CAST: variants seen among roughly 807,000 people sequenced by gnomAD.
CAST encodes MIR583 host.
A neutral mutation model predicts 119.6 loss-of-function variants in CAST; 76 were observed. The observed-to-expected ratio is 0.64, with a 90% CI of 0.53 to 0.77. The LOEUF (loss-of-function observed/expected upper bound fraction) is 0.77, where lower values mean the gene tolerates loss of function less well. CAST is among the 30% of genes least tolerant of loss of function. The probability of loss-of-function intolerance (pLI) is 0.00; values close to 1 mark genes in which losing one functional copy is unlikely to be tolerated. For synonymous variants in CAST, 319 were observed against 331.6 expected (o/e 0.96, Z 0.41); for missense variants, 953 against 946.5 (o/e 1.01, Z -0.09).
the CAST span, among the ~76,000 whole-genome samples, chr5:96,085,262 A>G: frequency 1.3e-5 from 2 of 152,226 alleles, no homozygotes; most frequent in Admixed American, 1.3e-4. Context: ...TTCCTGTCAG[A>G]AATTCTACCA....
the CAST span, among the ~76,000 whole-genome samples, chr5:96,244,817 TATTC>T: frequency 6.6e-5 from 10 of 152,232 alleles, no homozygotes; most frequent in Admixed American, 2.0e-4. Context: ...AAGTGGCGTC[TATTC>T]ATTATTTCAT....
At chr5:96,291,761 G>A in the CAST span, among the ~76,000 whole-genome samples, 1 of 151,818 alleles carries the variant, frequency 6.6e-6, no homozygotes, top group Non-Finnish European at 1.5e-5. Context: ...CTCTCCAGGA[G>A]TCATAGACCC....
At chr5:96,545,516 C>T (rs1745993678) in intron 1 of CAST, among the ~76,000 whole-genome samples, 1 of 152,260 alleles carries the variant, frequency 6.6e-6, no homozygotes, top group South Asian at 2.1e-4. Context: ...AAATAAATCT[C>T]TGCCTCTCCA....
chr5:96,740,288 C>T (rs905333747), intron 12 of CAST, among the ~76,000 whole-genome samples, 170 bp downstream of exon 12: 4 of 152,132 alleles, frequency 2.6e-5, no homozygotes, highest in African/African-American at 2.4e-5. Context: ...TAAGAAAGTA[C>T]CACAGATCGG....
intron 1 of CAST, among the ~76,000 whole-genome samples, chr5:96,673,191 A>G (rs1290305970): frequency 6.6e-6 from 1 of 152,254 alleles, no homozygotes; most frequent in Non-Finnish European, 1.5e-5. Flanking sequence ...ATTACAGATT[A>G]TGGATGTGAT....
At chr5:96,036,271 C>T in the CAST span, among the ~76,000 whole-genome samples, 1 of 151,678 alleles carries the variant, frequency 6.6e-6, no homozygotes, top group Non-Finnish European at 1.5e-5. Flanking sequence ...ACAGTAAACA[C>T]TTTTTTAAAA....
At chr5:96,566,580 C>T (rs1746473465) in intron 1 of CAST, among the ~76,000 whole-genome samples, 1 of 152,216 alleles carries the variant, frequency 6.6e-6, no homozygotes, top group Non-Finnish European at 1.5e-5. Context: ...CCATGACCCA[C>T]TGTATTCACT....
chr5:96,413,964 A>C, the CAST span, among the ~76,000 whole-genome samples: 13 of 96,512 alleles, frequency 1.3e-4, no homozygotes, highest in African/African-American at 7.6e-4. Flanking sequence ...CTAAAAATAC[A>C]AAAAAAAAAA....
chr5:96,079,083 T>TAA, the CAST span: 1 of 336,642 alleles, frequency 3.0e-6, no homozygotes, highest in African/African-American at 8.8e-5. Flanking sequence ...CCCATGCACT[T>TAA]AAAGTTAAAA....
At position 96,648,014 on chromosome 5, in the gene CAST, T is replaced by C. The variant is rs531400848; in HGVS notation, c.61-27525T>C. Among the ~76,000 whole-genome samples, 17 of 152,368 alleles carry C rather than the reference T, an allele frequency of 1.1e-4. No homozygotes were observed. In the South Asian group the frequency reaches 1.7e-3, roughly 15 times the overall value. The stretch of plus-strand genomic sequence containing the variant: ...TGCCCCTTGTGAATTTGAATTCTGC[T>C]TTTGGTAATTTAGTCTGGAAAGAGT... On this transcript the variant is annotated intron_variant, in intron 1 of 11. Transcript: ENST00000505143.
At chr5:96,247,132 A>G in the CAST span, among the ~76,000 whole-genome samples, 19 of 152,172 alleles carry the variant, frequency 1.2e-4, no homozygotes, top group Non-Finnish European at 2.2e-4. Context: ...TCTCTTTCTT[A>G]AGGGCCAGCT....
At chr5:96,469,709 A>G in the CAST span, among the ~76,000 whole-genome samples, 1 of 151,736 alleles carries the variant, frequency 6.6e-6, no homozygotes, top group South Asian at 2.1e-4. Flanking sequence ...TTTACATCAA[A>G]TACTGTTTTC....
At chr5:96,572,504 A>G (rs1746589309) in intron 1 of CAST, among the ~76,000 whole-genome samples, 1 of 148,290 alleles carries the variant, frequency 6.7e-6, no homozygotes, top group Admixed American at 6.7e-5. Context: ...CCCTGTCCCA[A>G]CTTGTGCTAT....
At chr5:96,357,451 C>T in the CAST span, among the ~76,000 whole-genome samples, 6 of 152,042 alleles carry the variant, frequency 3.9e-5, no homozygotes, top group South Asian at 2.1e-4. Flanking sequence ...CCATTCAGTA[C>T]GATATTGGCT....
intron 2 of CAST, among the ~76,000 whole-genome samples, chr5:96,695,326 C>T (rs1205632638): frequency 6.6e-6 from 1 of 152,134 alleles, no homozygotes; most frequent in African/African-American, 2.4e-5. Context: ...AATTACCTGG[C>T]ACACCATAGT....
At chr5:96,079,756 A>G in the CAST span, among the ~76,000 whole-genome samples, 4 of 152,166 alleles carry the variant, frequency 2.6e-5, no homozygotes, top group African/African-American at 9.7e-5. Flanking sequence ...TACTATATAC[A>G]TCTTGGTTAT....
At chr5:96,198,879 C>T in the CAST span, among the ~76,000 whole-genome samples, 1 of 152,094 alleles carries the variant, frequency 6.6e-6, no homozygotes, top group Admixed American at 6.6e-5. Context: ...CATGGTTTCC[C>T]CAAAGCACAA....
the CAST span, among the ~76,000 whole-genome samples, chr5:96,194,774 CAT>C: frequency 6.6e-6 from 1 of 152,168 alleles, no homozygotes; most frequent in African/African-American, 2.4e-5. Flanking sequence ...ACAATTTCCT[CAT>C]ATTGTGGCAT....
At chr5:96,098,426 G>A in the CAST span, among the ~76,000 whole-genome samples, 119 of 152,164 alleles carry the variant, frequency 7.8e-4, 1 homozygote, top group African/African-American at 2.8e-3. Flanking sequence ...GTATTGCCAA[G>A]GTTGTCTTCT....
Sources: gnomAD v4.1 joint callset for allele counts (sites outside exome capture counted in the v4.1 genomes callset) on GRCh38, gnomAD v4.1.1 for gene constraint, MANE v1.5 for transcripts, NCBI Gene and HGNC (gene_info 2026-07-23, HGNC 2026-07-21) for gene names.